MAP3K5: variants seen among roughly 807,000 people sequenced by gnomAD.
MAP3K5 encodes the protein mitogen-activated protein kinase kinase kinase 5.
Under a neutral mutation model 158.7 loss-of-function variants are expected in MAP3K5, and 56 were observed. That is an observed-to-expected ratio of 0.35 (90% CI 0.28 to 0.44). The LOEUF (loss-of-function observed/expected upper bound fraction) is 0.44, where lower values mean the gene tolerates loss of function less well. Among genes scored for constraint, MAP3K5 ranks in the 20% least tolerant of loss-of-function variants. MAP3K5 has a pLI of 1.00. For missense variants in MAP3K5, 1,294 were observed against 1,674.8 expected (o/e 0.77, Z 3.97); for synonymous variants, 579 against 601.7 (o/e 0.96, Z 0.55).
intron 5 of MAP3K5, among the ~76,000 whole-genome samples, chr6:136,696,493 A>G (rs561606904): frequency 6.6e-6 from 1 of 152,092 alleles, no homozygotes; most frequent in South Asian, 2.1e-4. Context: ...ATGAGTAAGC[A>G]CTCTAGCCAC....
At chr6:136,575,490 T>A (rs1270901428) in intron 25 of MAP3K5, among the ~76,000 whole-genome samples, 1 of 152,218 alleles carries the variant, frequency 6.6e-6, no homozygotes, top group African/African-American at 2.4e-5. Flanking sequence ...AACTAATCTA[T>A]GGACATTATT....
chr6:136,616,150 A>G (rs1776552563), intron 15 of MAP3K5, among the ~76,000 whole-genome samples: 1 of 152,150 alleles, frequency 6.6e-6, no homozygotes, highest in Non-Finnish European at 1.5e-5. Flanking sequence ...CAACATTTTG[A>G]TAATTGCTTG....
intron 21 of MAP3K5, among the ~76,000 whole-genome samples, chr6:136,598,453 A>C (rs951683418): frequency 2.6e-5 from 4 of 152,212 alleles, no homozygotes; most frequent in Admixed American, 2.0e-4. Context: ...TGGCTCTTTA[A>C]AATCAGGAAC....
chr6:136,713,785 G>A (rs1439033794), intron 2 of MAP3K5, among the ~76,000 whole-genome samples: 1 of 152,038 alleles, frequency 6.6e-6, no homozygotes, highest in Admixed American at 6.6e-5. Flanking sequence ...TAGAGTCCCA[G>A]GGTTTTTAAA....
At chr6:136,719,796 G>A (rs372890290) in intron 2 of MAP3K5, among the ~76,000 whole-genome samples, 15 of 152,294 alleles carry the variant, frequency 9.8e-5, no homozygotes, top group African/African-American at 3.4e-4. Context: ...CTCAGCATGC[G>A]ATTCACTGAA....
At chr6:136,654,415 T>A (rs1396180114) in intron 10 of MAP3K5, among the ~76,000 whole-genome samples, 1 of 152,152 alleles carries the variant, frequency 6.6e-6, no homozygotes, top group African/African-American at 2.4e-5. Flanking sequence ...CATATAAATT[T>A]TTTATTCTTC....
chr6:136,737,103 G>A (rs1443203457), intron 1 of MAP3K5, among the ~76,000 whole-genome samples: 2 of 146,474 alleles, frequency 1.4e-5, no homozygotes, highest in Non-Finnish European at 1.5e-5. Context: ...GAAGGCTATC[G>A]ACGGAGGCCA....
At chr6:136,627,599 C>T (rs1254840433) in intron 14 of MAP3K5, among the ~76,000 whole-genome samples, 1 of 152,136 alleles carries the variant, frequency 6.6e-6, no homozygotes, top group Non-Finnish European at 1.5e-5. Flanking sequence ...GAGGCTAGAG[C>T]TCTCATGAAT....
intron 2 of MAP3K5, among the ~76,000 whole-genome samples, chr6:136,707,402 G>A (rs1781122995): frequency 6.6e-6 from 1 of 152,222 alleles, no homozygotes; most frequent in Non-Finnish European, 1.5e-5. Context: ...GTGAAGGACA[G>A]ACACGACCTC....
chr6:136,720,295 C>T (rs751722498), intron 2 of MAP3K5, among the ~76,000 whole-genome samples, 155 bp downstream of exon 2: 6 of 152,162 alleles, frequency 3.9e-5, no homozygotes, highest in African/African-American at 4.8e-5. Context: ...AGTGAATTCT[C>T]GATAAACCTC....
At chr6:136,596,756 G>A (rs561282075) in intron 21 of MAP3K5, among the ~76,000 whole-genome samples, 1 of 152,154 alleles carries the variant, frequency 6.6e-6, no homozygotes, top group Non-Finnish European at 1.5e-5. Context: ...CGTTTGTGGT[G>A]GAAATATGAT....
chr6:136,623,179 C>A (rs560676648), intron 14 of MAP3K5, among the ~76,000 whole-genome samples, 198 bp from the exon 15 acceptor site: 1 of 152,296 alleles, frequency 6.6e-6, no homozygotes, highest in East Asian at 1.9e-4. Flanking sequence ...TTTTCACAAA[C>A]TGTTACAAAT....
chr6:136,657,094 G>A (rs1046202743), intron 9 of MAP3K5, among the ~76,000 whole-genome samples: 1 of 152,122 alleles, frequency 6.6e-6, no homozygotes, highest in Admixed American at 6.5e-5. Context: ...TCAAGGAAGC[G>A]GTTAATGCAT....
In MAP3K5 at chr6:136,786,933, T is replaced by C. The variant is rs78446115; in HGVS notation, c.448+4777A>G. Reference sequence around the variant, plus strand: ...GATCCTCCCACCTCAACCTCCCGAGTAGCTGGGAATAAGTTCTTACTCACT... The same window carrying C: ...GATCCTCCCACCTCAACCTCCCGAGCAGCTGGGAATAAGTTCTTACTCACT... On this transcript the variant is annotated intron_variant, in intron 1 of 29. Coordinates refer to ENST00000359015, the MANE Select transcript of MAP3K5 (RefSeq NM_005923.4). 4.5e-3 allele frequency among the ~76,000 whole-genome samples: 689 copies of C among 151,542 alleles called. 1 individual carries two copies. Among genetic ancestry groups the C allele is most frequent in the Non-Finnish European group, 7.8e-3 (527 of 67,932 alleles).
chr6:136,592,645 T>C (rs1473683559), intron 21 of MAP3K5, 31 bp from the exon 22 acceptor site: 2 of 1,587,272 alleles, frequency 1.3e-6, no homozygotes, highest in African/African-American at 1.3e-5. Context: ...GAAAAGATAA[T>C]TGACACTTTA....
intron 11 of MAP3K5, among the ~76,000 whole-genome samples, chr6:136,644,547 G>A (rs1342493135): frequency 2.6e-5 from 4 of 152,162 alleles, no homozygotes; most frequent in African/African-American, 9.7e-5. Flanking sequence ...GCTAGAATAG[G>A]AGCTGGAAGT....
At chr6:136,683,361 G>A (rs767469416) in intron 7 of MAP3K5, among the ~76,000 whole-genome samples, 2 of 152,146 alleles carry the variant, frequency 1.3e-5, no homozygotes, top group Non-Finnish European at 2.9e-5. Context: ...AGTTCCCCTC[G>A]ACACTGGTGC....
intron 1 of MAP3K5, among the ~76,000 whole-genome samples, chr6:136,790,686 A>T (rs1785037867): frequency 6.6e-6 from 1 of 152,238 alleles, no homozygotes; most frequent in South Asian, 2.1e-4. Flanking sequence ...TGGAAAATAA[A>T]GCCTTTTATG....
At chr6:136,685,088 G>C (rs1583414138) in intron 7 of MAP3K5, among the ~76,000 whole-genome samples, 1 of 152,074 alleles carries the variant, frequency 6.6e-6, no homozygotes, top group Admixed American at 6.6e-5. Flanking sequence ...GGTGAGGCAG[G>C]TGGATCTGGA....
Sources: gnomAD v4.1 joint callset for allele counts (sites outside exome capture counted in the v4.1 genomes callset) on GRCh38, gnomAD v4.1.1 for gene constraint, MANE v1.5 for transcripts, NCBI Gene and HGNC (gene_info 2026-07-23, HGNC 2026-07-21) for gene names.